Variants in DHDDS observed in about 807,000 individuals in gnomAD.
DHDDS encodes the protein dehydrodolichyl diphosphate synthase complex subunit DHDDS.
In DHDDS, 16 loss-of-function variants were observed where a neutral mutation model predicts 46.2. That is an observed-to-expected ratio of 0.35 (90% CI 0.23 to 0.53). The LOEUF is 0.53. Among genes scored for constraint, DHDDS ranks in the 20% least tolerant of loss-of-function variants. The probability of loss-of-function intolerance (pLI) is 0.94; values close to 1 mark genes in which losing one functional copy is unlikely to be tolerated. For missense variants in DHDDS, 340 were observed against 423.7 expected (o/e 0.80, Z 1.73); for synonymous variants, 151 against 163.1 (o/e 0.93, Z 0.56).
rs571409906 is a variant in DHDDS at position 26,461,891 on chromosome 1, G to T, written c.765+1747G>T. On this transcript the variant is annotated intron_variant, in intron 8 of 8. Coordinates refer to ENST00000236342, the MANE Select transcript of DHDDS (RefSeq NM_205861.3). ...GGCACAATTATCCACTGTCAGTGGG[G>T]AATGAATATCAGATTTTTCCATATG... is the stretch of plus-strand genomic sequence containing the variant. 2.0e-5 allele frequency among the ~76,000 whole-genome samples: 3 copies of T among 152,270 alleles called. No individual in the cohort carries two copies. The East Asian group carries it at 5.8e-4, about 29-fold the overall frequency.
intron 8 of DHDDS, 84 bp from the exon 9 acceptor site, chr1:26,468,811 G>GGCCCCCCCCCCACCCC: frequency 1.6e-6 from 1 of 637,986 alleles, no homozygotes; most frequent in Non-Finnish European, 2.6e-6. Flanking sequence ...CCCACCCTGT[G>GGCCCCCCCCCCACCCC]CCCCACCCCC....
intron 2 of DHDDS, 61 bp from the exon 3 acceptor site, chr1:26,438,107 T>C: frequency 6.4e-7 from 1 of 1,554,562 alleles, no homozygotes; most frequent in Non-Finnish European, 8.9e-7. Flanking sequence ...TGGGGTGTAG[T>C]GTCTTCCTTT....
At chr1:26,462,068 T>G (rs981095722) in intron 8 of DHDDS, among the ~76,000 whole-genome samples, 18 of 151,506 alleles carry the variant, frequency 1.2e-4, no homozygotes, top group East Asian at 1.9e-4. Flanking sequence ...TTTTGTTTTT[T>G]TTTTTTTTTA....
In DHDDS at chr1:26,469,648, T is replaced by A; in HGVS notation, c.*517T>A. ...GACAGAAAATTTGCCCATCTGCTGC[T>A]CCTCCCCCTTGGCTCTCCACCTGGG... On this transcript the variant is annotated 3_prime_UTR_variant, in exon 9 of 9. Transcript: ENST00000236342. 2.6e-5 allele frequency: 6 copies of A among 226,856 alleles called. No individual in the cohort carries two copies. The highest frequency in any genetic ancestry group is 1.0e-4 in the Admixed American group (2 of 19,432). The allele number at this position is 226,856 out of a possible 1,614,324, so 14.1% of individuals were successfully genotyped here.
At chr1:26,463,801 C>T (rs186282180) in intron 8 of DHDDS, among the ~76,000 whole-genome samples, 6 of 152,026 alleles carry the variant, frequency 3.9e-5, no homozygotes, top group Admixed American at 3.9e-4. Context: ...CCACCGCGAC[C>T]GGCCTGAAAC....
chr1:26,447,673 GT>G lies in DHDDS; in HGVS notation c.542+17del, dbSNP rs1268372327. The G allele has an allele frequency of 1.9e-6, 3 of 1,608,794 alleles. No homozygotes were observed. The African/African-American group carries it at 4.0e-5, about 21-fold the overall frequency. ...TGTTGGATCCCAGGTATCCCGAGTT[GT>G]TTTGCATGGTAATTGTTAAGGAAAA... On this transcript the variant is annotated intron_variant, in intron 6 of 8. Coordinates refer to ENST00000236342, the MANE Select transcript of DHDDS (RefSeq NM_205861.3).
intron 2 of DHDDS, among the ~76,000 whole-genome samples, chr1:26,433,675 CAAAAA>C (rs576315586): frequency 1.1e-5 from 1 of 94,698 alleles, no homozygotes. Context: ...GACTCTGTCT[CAAAAA>C]AAAAAAAAAA....
rs1274583292 is a variant in DHDDS, at chr1:26,437,475, CT to C, written c.64-680del. On this transcript the variant is annotated intron_variant, in intron 2 of 8. Transcript: ENST00000236342. Reference sequence around the variant, plus strand: ...TGGTTAACATAGGGAAACACACCATCTTTTTTTTTTTTTGAGACAGAGTCTC... The same window carrying C: ...TGGTTAACATAGGGAAACACACCATCTTTTTTTTTTTTGAGACAGAGTCTC... 3.7e-3 allele frequency among the ~76,000 whole-genome samples: 531 copies of C among 144,170 alleles called. 1 individual carries two copies. The highest frequency in any genetic ancestry group is 8.1e-3 in the African/African-American group (323 of 39,636). 94.6% of individuals were successfully genotyped at this position (144,170 alleles called of 152,430 possible).
intron 6 of DHDDS, among the ~76,000 whole-genome samples, chr1:26,453,411 T>C (rs1163174949): frequency 6.6e-6 from 1 of 152,188 alleles, no homozygotes; most frequent in Non-Finnish European, 1.5e-5. Context: ...TTCCTCAGGA[T>C]CTGAGTTTGA....
At chr1:26,463,762 T>G (rs1232090469) in intron 8 of DHDDS, among the ~76,000 whole-genome samples, 1 of 152,238 alleles carries the variant, frequency 6.6e-6, no homozygotes, top group Non-Finnish European at 1.5e-5. Context: ...CGCCTCGGCC[T>G]CCCAAAGTGC....
chr1:26,451,795 A>AT (rs2075324010), intron 6 of DHDDS, among the ~76,000 whole-genome samples: 1 of 151,562 alleles, frequency 6.6e-6, no homozygotes, highest in Non-Finnish European at 1.5e-5. Context: ...CGCCTGGCTA[A>AT]TTTTTTTATA....
intron 6 of DHDDS, among the ~76,000 whole-genome samples, chr1:26,451,080 A>G (rs1270116217): frequency 6.6e-6 from 1 of 151,990 alleles, no homozygotes; most frequent in Non-Finnish European, 1.5e-5. Context: ...GTTTTTCCAT[A>G]TCCTTCTCTG....
chr1:26,468,996 T>C lies in DHDDS; in HGVS notation c.867T>C (p.Ser289=). 6.2e-7 allele frequency: 1 copy of C among 1,614,118 alleles called. No homozygotes were observed. The highest frequency in any genetic ancestry group is 8.5e-7 in the Non-Finnish European group (1 of 1,180,030). ...EQLLREGLQA[S]GDAQLRRTRL... is the part of the protein sequence containing the mutation. ...TGCTGCGAGAGGGGCTCCAAGCCAGTGGGGACGCCCAGCTCCGAAGGACAC... is the reference window on the plus strand; with the variant it reads ...TGCTGCGAGAGGGGCTCCAAGCCAGCGGGGACGCCCAGCTCCGAAGGACAC... The change falls in exon 9 of 9, where the codon AGT becomes AGC. Residue 289 remains serine (S), a synonymous_variant. Transcript: ENST00000236342.
chr1:26,434,002 G>T (rs1053246767), intron 2 of DHDDS, among the ~76,000 whole-genome samples: 1 of 152,172 alleles, frequency 6.6e-6, no homozygotes, highest in African/African-American at 2.4e-5. Context: ...CCAAAGTGCT[G>T]GGATTATAGG....
chr1:26,433,543 G>A (rs938026055), intron 2 of DHDDS, among the ~76,000 whole-genome samples: 1 of 151,962 alleles, frequency 6.6e-6, no homozygotes, highest in African/African-American at 2.4e-5. Context: ...CAGCTACTCG[G>A]AAGGCTGAAG....
chr1:26,467,460 G>A (rs1391753159), intron 8 of DHDDS: 12 of 417,304 alleles, frequency 2.9e-5, no homozygotes, highest in African/African-American at 6.2e-5. Flanking sequence ...AGCCGGGGGG[G>A]ACAGTCCAGA....
In DHDDS at chr1:26,451,059, T is replaced by C. The variant is rs143462878; in HGVS notation, c.542+3399T>C. On this transcript the variant is annotated intron_variant, in intron 6 of 8. Coordinates refer to ENST00000236342, the MANE Select transcript of DHDDS (RefSeq NM_205861.3). Reference sequence around the variant, plus strand: ...TAACCACTACCTTATCTCCTGCTTCTTGTCCAGCAAGTTTTTCCATATCCT... The same window carrying C: ...TAACCACTACCTTATCTCCTGCTTCCTGTCCAGCAAGTTTTTCCATATCCT... Among the ~76,000 whole-genome samples the C allele has an allele frequency of 2.3e-3, 353 of 152,294 alleles. 1 individual carries two copies. Among genetic ancestry groups the C allele is most frequent in the African/African-American group, 8.4e-3 (349 of 41,564 alleles).
Position 26,460,217 on chromosome 1 carries a change from T to A in DHDDS, c.765+73T>A, listed in dbSNP as rs2075408945. Reference sequence around the variant, plus strand: ...GATTAGCATTGATTGACAACCACCTTACTATATACCAGGCACTTCCTAATA... The same window carrying A: ...GATTAGCATTGATTGACAACCACCTAACTATATACCAGGCACTTCCTAATA... On this transcript the variant is annotated intron_variant, in intron 8 of 8. Transcript: ENST00000236342. 3.4e-6 allele frequency: 4 copies of A among 1,182,624 alleles called. No individual in the cohort carries two copies. In the South Asian group the frequency reaches 4.9e-5, roughly 14 times the overall value. 73.3% of individuals were successfully genotyped at this position (1,182,624 alleles called of 1,614,324 possible). A position where few individuals can be genotyped will look rare whatever the true frequency, so the allele number is the denominator to read the frequency against.
Position 26,432,356 on chromosome 1 carries a change from G to C in DHDDS, c.-76G>C, listed in dbSNP as rs1015422291. On this transcript the variant is annotated 5_prime_UTR_variant, in exon 1 of 9. Transcript: ENST00000236342. ...GCCGGCCCACTGAAGCCGTGGGGAC[G>C]CGCCCAGCGGAGCTAATCAGGTGCC... The C allele has an allele frequency of 9.1e-5, 14 of 153,056 alleles. No individual in the cohort carries two copies. The highest frequency in any genetic ancestry group is 3.1e-4 in the African/African-American group (13 of 41,452). The allele number at this position is 153,056 out of a possible 1,614,324, so 9.5% of individuals were successfully genotyped here.
Sources: allele counts gnomAD v4.1 joint callset (sites outside exome capture counted in the v4.1 genomes callset), GRCh38; gene constraint gnomAD v4.1.1; transcripts MANE v1.5; gene names NCBI Gene and HGNC (gene_info 2026-07-23, HGNC 2026-07-21).